NCK2: variants seen among roughly 807,000 people sequenced by gnomAD.
NCK2 encodes cytoplasmic protein NCK2.
A neutral mutation model predicts 33.9 loss-of-function variants in NCK2; 16 were observed. The observed-to-expected ratio is 0.47, with a 90% CI of 0.32 to 0.72. NCK2 has a LOEUF of 0.72. Among genes scored for constraint, NCK2 ranks in the 30% least tolerant of loss-of-function variants. The pLI, the probability that NCK2 is intolerant of heterozygous loss-of-function variation, is 0.03. For synonymous variants in NCK2, 273 were observed against 239.9 expected (o/e 1.14, Z -1.27); for missense variants, 418 against 537.3 (o/e 0.78, Z 2.19).
At chr2:105,839,033 G>A (rs1040525951) in intron 2 of NCK2, among the ~76,000 whole-genome samples, 1 of 152,160 alleles carries the variant, frequency 6.6e-6, no homozygotes. Context: ...GCAGAGAATT[G>A]GATGGAATCA....
intron 2 of NCK2, among the ~76,000 whole-genome samples, chr2:105,843,733 T>C (rs1320047551): frequency 6.6e-6 from 1 of 152,236 alleles, no homozygotes; most frequent in Non-Finnish European, 1.5e-5. Flanking sequence ...ATCACAGTGA[T>C]ATAAATGATG....
At chr2:105,780,501 T>C (rs1356525375) in intron 1 of NCK2, among the ~76,000 whole-genome samples, 1 of 152,184 alleles carries the variant, frequency 6.6e-6, no homozygotes, top group Non-Finnish European at 1.5e-5. Flanking sequence ...CATATAGATG[T>C]TGAATAAAGT....
intron 1 of NCK2, among the ~76,000 whole-genome samples, chr2:105,758,407 G>GTTTT (rs1254729110): frequency 5.7e-5 from 7 of 122,128 alleles, no homozygotes; most frequent in African/African-American, 1.7e-4. Context: ...TGTTTTTGTT[G>GTTTT]TTTTTGTTTT....
intron 2 of NCK2, among the ~76,000 whole-genome samples, chr2:105,831,646 G>C (rs1307353742): frequency 6.6e-6 from 1 of 151,980 alleles, no homozygotes; most frequent in Admixed American, 6.6e-5. Flanking sequence ...TATTGAAGAG[G>C]CTCTCCTTTT....
chr2:105,879,605 A>G (rs1199381161), intron 3 of NCK2, among the ~76,000 whole-genome samples: 1 of 152,262 alleles, frequency 6.6e-6, no homozygotes, highest in Non-Finnish European at 1.5e-5. Flanking sequence ...GGCAGAGGCC[A>G]TTAGCATAAA....
intron 3 of NCK2, among the ~76,000 whole-genome samples, chr2:105,856,158 GGTGTT>G (rs1188385252): frequency 6.6e-6 from 1 of 152,184 alleles, no homozygotes; most frequent in African/African-American, 2.4e-5. Context: ...TGTTTTCCCA[GGTGTT>G]GTCAGGTTAT....
At chr2:105,800,730 T>G (rs1038989504) in intron 1 of NCK2, among the ~76,000 whole-genome samples, 1 of 152,178 alleles carries the variant, frequency 6.6e-6, no homozygotes, top group African/African-American at 2.4e-5. Flanking sequence ...GTTGATCAAC[T>G]GTCATGAACG....
chr2:105,782,804 C>T (rs1690544935), intron 1 of NCK2, among the ~76,000 whole-genome samples: 1 of 152,192 alleles, frequency 6.6e-6, no homozygotes, highest in Non-Finnish European at 1.5e-5. Flanking sequence ...TCAGCTCTGG[C>T]AGCCACAGCA....
chr2:105,801,059 A>G (rs1271898920), intron 1 of NCK2, among the ~76,000 whole-genome samples: 1 of 152,184 alleles, frequency 6.6e-6, no homozygotes, highest in Admixed American at 6.5e-5. Flanking sequence ...TACTGAATGG[A>G]GGTGAAAGCT....
intron 1 of NCK2, among the ~76,000 whole-genome samples, chr2:105,770,957 C>G (rs1209085295): frequency 6.6e-6 from 1 of 152,110 alleles, no homozygotes; most frequent in Non-Finnish European, 1.5e-5. Flanking sequence ...GAGTCTCGCT[C>G]TGTCGCCCAG....
Position 105,893,213 on chromosome 2 carries a change from C to G in NCK2, c.*37C>G. The G allele has an allele frequency of 6.5e-7, 1 of 1,532,144 alleles. No homozygotes were observed. Among genetic ancestry groups the G allele is most frequent in the Non-Finnish European group, 8.8e-7 (1 of 1,136,670 alleles). 94.9% of individuals were successfully genotyped at this position (1,532,144 alleles called of 1,614,324 possible). On this transcript the variant is annotated 3_prime_UTR_variant, in exon 5 of 5. Coordinates refer to ENST00000233154, the MANE Select transcript of NCK2 (RefSeq NM_003581.5). ...CCCCACACTCGCCTCCCGGGCCCCA[C>G]GGTGGAGCTGCCCGCCCGGCCTTGT...
chr2:105,857,421 CAG>C (rs2104590716), intron 3 of NCK2, among the ~76,000 whole-genome samples: 1 of 152,380 alleles, frequency 6.6e-6, no homozygotes, highest in South Asian at 2.1e-4. Flanking sequence ...TTGGCGAAAA[CAG>C]ATTGTTAGAA....
intron 1 of NCK2, among the ~76,000 whole-genome samples, chr2:105,777,020 A>G (rs1690326997): frequency 6.6e-6 from 1 of 151,716 alleles, no homozygotes; most frequent in African/African-American, 2.4e-5. Context: ...GAGATCAGAG[A>G]CTAAGAAAGC....
At chr2:105,814,177 G>T (rs1166980308) in intron 1 of NCK2, among the ~76,000 whole-genome samples, 1 of 152,176 alleles carries the variant, frequency 6.6e-6, no homozygotes, top group African/African-American at 2.4e-5. Flanking sequence ...TAAGCTAAGA[G>T]CCCCATGTTA....
chr2:105,842,506 A>G (rs1290484624), intron 2 of NCK2, among the ~76,000 whole-genome samples: 1 of 152,168 alleles, frequency 6.6e-6, no homozygotes, highest in African/African-American at 2.4e-5. Flanking sequence ...AATCTGAATC[A>G]TATTATACAT....
At chr2:105,892,584 C>T (rs562277590) in intron 4 of NCK2, among the ~76,000 whole-genome samples, 3 of 127,956 alleles carry the variant, frequency 2.3e-5, no homozygotes, top group South Asian at 2.4e-4. Context: ...GCCTGTAATC[C>T]GAGCAATTTG....
At chr2:105,859,313 G>A (rs967742537) in intron 3 of NCK2, among the ~76,000 whole-genome samples, 19 of 152,092 alleles carry the variant, frequency 1.2e-4, no homozygotes, top group Non-Finnish European at 7.3e-5. Context: ...AAAAAGTTAC[G>A]GTTCCATTTA....
chr2:105,789,747 G>A lies in NCK2; in HGVS notation c.-200-26683G>A, dbSNP rs189109177. 1.2e-4 allele frequency among the ~76,000 whole-genome samples: 18 copies of A among 152,284 alleles called. No individual in the cohort carries two copies. In the East Asian group the frequency reaches 1.5e-3, roughly 13 times the overall value. ...CAACTTAGGCTTGCTCCCGGTTAAC[G>A]GGAGGGCTTTTTCTGACACAGACTG... is the stretch of plus-strand genomic sequence containing the variant. On this transcript the variant is annotated intron_variant, in intron 1 of 4. Coordinates refer to ENST00000233154, the MANE Select transcript of NCK2 (RefSeq NM_003581.5).
At chr2:105,840,323 G>T (rs115295616) in intron 2 of NCK2, among the ~76,000 whole-genome samples, 1 of 152,158 alleles carries the variant, frequency 6.6e-6, no homozygotes, top group East Asian at 1.9e-4. Flanking sequence ...CCTGTAACAC[G>T]TGGGACACAT....
Sources: allele counts gnomAD v4.1 joint callset (sites outside exome capture counted in the v4.1 genomes callset), GRCh38; gene constraint gnomAD v4.1.1; transcripts MANE v1.5; gene names NCBI Gene and HGNC (gene_info 2026-07-23, HGNC 2026-07-21).